RPP30: variants seen among roughly 807,000 people sequenced by gnomAD.
RPP30 encodes the protein ribonuclease P protein subunit p30.
RPP30 carries 36 observed loss-of-function variants against 38.6 expected under a neutral mutation model. The ratio of observed to expected loss-of-function variants is 0.93; its 90% CI spans 0.71 to 1.23. RPP30 has a LOEUF of 1.23. Among genes scored for constraint, RPP30 ranks in the 50% most tolerant of loss-of-function variants. The probability of loss-of-function intolerance (pLI) is 0.00; values close to 1 mark genes in which losing one functional copy is unlikely to be tolerated. For synonymous variants in RPP30, 126 were observed against 112.7 expected (o/e 1.12, Z -0.75); for missense variants, 321 against 321.7 (o/e 1.00, Z 0.02).
At chr10:90,879,303 GT>G (rs1195121902) in intron 5 of RPP30, among the ~76,000 whole-genome samples, 169 bp downstream of exon 5, 2 of 152,114 alleles carry the variant, frequency 1.3e-5, no homozygotes, top group African/African-American at 2.4e-5. Flanking sequence ...GGTATTTGTG[GT>G]TTTTTTGTTT....
chr10:90,886,508 C>T (rs566052863), intron 6 of RPP30, among the ~76,000 whole-genome samples: 11 of 152,296 alleles, frequency 7.2e-5, no homozygotes, highest in Non-Finnish European at 1.2e-4. Flanking sequence ...CCTTCATCTT[C>T]TATCTGTCCA....
chr10:90,903,181 C>T, downstream of RPP30: 1 of 1,478,956 alleles, frequency 6.8e-7, no homozygotes, highest in Non-Finnish European at 9.5e-7. Context: ...AGTTCCTTTT[C>T]TGCTTTAAAG....
chr10:90,884,150 A>T (rs548419944), intron 5 of RPP30, among the ~76,000 whole-genome samples: 82 of 152,172 alleles, frequency 5.4e-4, no homozygotes, highest in Non-Finnish European at 1.1e-3. Flanking sequence ...CATGATTGGT[A>T]TTGCAATGAC....
chr10:90,876,028 A>G lies in RPP30; in HGVS notation c.200A>G (p.Lys67Arg), dbSNP rs1846847365. The change falls in exon 4 of 11, where the codon AAA becomes AGA. Residue 67 changes from lysine to arginine, a missense_variant. Physicochemically the swap from Lys to Arg is conservative, Grantham distance 26 (BLOSUM62 2). Transcript: ENST00000371703. ...LFTTLPIVQG[K>R]SRPIKILTRL... ...CATCATGTCTTTTTTAAATAGGGAAAATCAAGACCAATTAAAATTTTAACT... is the reference window on the plus strand; with the variant it reads ...CATCATGTCTTTTTTAAATAGGGAAGATCAAGACCAATTAAAATTTTAACT... 3.3e-6 allele frequency: 5 copies of G among 1,521,604 alleles called. No individual in the cohort carries two copies. In the East Asian group the frequency reaches 1.1e-4, roughly 34 times the overall value. The allele number at this position is 1,521,604 out of a possible 1,614,324, so 94.3% of individuals were successfully genotyped here.
intron 6 of RPP30, among the ~76,000 whole-genome samples, chr10:90,886,460 A>G (rs1394324052): frequency 2.0e-5 from 3 of 152,168 alleles, no homozygotes; most frequent in South Asian, 2.1e-4. Context: ...AATTTTTCTC[A>G]TTCCCCTTCT....
At chr10:90,889,016 GTTAA>G (rs1847039144) in intron 6 of RPP30, among the ~76,000 whole-genome samples, 1 of 152,114 alleles carries the variant, frequency 6.6e-6, no homozygotes, top group South Asian at 2.1e-4. Context: ...AAGAGTCCCT[GTTAA>G]TTTATTCACC....
intron 5 of RPP30, among the ~76,000 whole-genome samples, chr10:90,880,494 G>A (rs1013943223): frequency 1.3e-5 from 2 of 152,088 alleles, no homozygotes; most frequent in East Asian, 1.9e-4. Context: ...TTGGGAGGCC[G>A]AGGCAGGTGG....
Position 90,900,701 on chromosome 10 carries a change from C to T in RPP30, c.*22C>T, listed in dbSNP as rs747998547. ...CTGAAAAGAATGCCCCAGTCTCTGT[C>T]AGCACTCCCTTCTTCCCTTTTATAG... On this transcript the variant is annotated 3_prime_UTR_variant, in exon 11 of 11. Transcript: ENST00000371703. The T allele has an allele frequency of 6.2e-7, 1 of 1,607,538 alleles. No homozygotes were observed. Among genetic ancestry groups the T allele is most frequent in the Non-Finnish European group, 8.5e-7 (1 of 1,177,652 alleles).
intron 6 of RPP30, among the ~76,000 whole-genome samples, chr10:90,891,049 C>T (rs1847076169): frequency 6.6e-6 from 1 of 152,106 alleles, no homozygotes; most frequent in Non-Finnish European, 1.5e-5. Flanking sequence ...GAGAACAGTC[C>T]CTATGCGGAG....
In RPP30 at chr10:90,902,168, T is replaced by C. The variant is rs1847211614; in HGVS notation, c.*1489T>C. 1 of 944,216 alleles carries C rather than the reference T, an allele frequency of 1.1e-6. No homozygotes were observed. The highest frequency in any genetic ancestry group is 1.8e-5 in the African/African-American group (1 of 56,348). 58.5% of individuals were successfully genotyped at this position (944,216 alleles called of 1,614,324 possible). A position where few individuals can be genotyped will look rare whatever the true frequency, so the allele number is the denominator to read the frequency against. ...TGAATACAAATGTTTAAATAAAATATTGATTAAAAAAACATTAAAAGTGCA... is the reference window on the plus strand; with the variant it reads ...TGAATACAAATGTTTAAATAAAATACTGATTAAAAAAACATTAAAAGTGCA... On this transcript the variant is annotated 3_prime_UTR_variant, in exon 11 of 11. Transcript: ENST00000371703.
rs771280472 is a variant in RPP30 at position 90,894,779 on chromosome 10, T to C, written c.437T>C (p.Ile146Thr). The change falls in exon 7 of 11, where the codon ATT (isoleucine) becomes ACT (threonine). Residue 146 changes from isoleucine (I) to threonine (T), a missense_variant. Ile to Thr is a moderately conservative substitution (Grantham distance 89). Coordinates refer to ENST00000371703, the MANE Select transcript of RPP30 (RefSeq NM_006413.5). ...TTCTCTTTATTTCCTGTGAAGGCGATTGACCGAGGCCTGGCTTTTGAACTT... is the reference window on the plus strand; with the variant it reads ...TTCTCTTTATTTCCTGTGAAGGCGACTGACCGAGGCCTGGCTTTTGAACTT... ...YFKRPPINVA[I>T]DRGLAFELVY... The C allele has an allele frequency of 1.9e-6, 3 of 1,611,010 alleles. No individual in the cohort carries two copies. The highest frequency in any genetic ancestry group is 2.5e-6 in the Non-Finnish European group (3 of 1,177,620).
At chr10:90,894,391 T>G (rs140444603) in intron 6 of RPP30, among the ~76,000 whole-genome samples, 2 of 152,348 alleles carry the variant, frequency 1.3e-5, no homozygotes, top group African/African-American at 4.8e-5. Context: ...TAGGTCAGAT[T>G]ACTTGGTTTA....
Position 90,900,572 on chromosome 10 carries a change from A to G in RPP30, c.700A>G (p.Thr234Ala). The change falls in exon 11 of 11, where the codon ACT becomes GCT. Residue 234 changes from threonine (T) to alanine (A), a missense_variant and splice_region_variant. By Grantham distance (58) the Thr-to-Ala change is moderately conservative. Transcript: ENST00000371703. ...NCRAALLHGETRKTAFGIIST... is the reference protein window; with the variant it reads ...NCRAALLHGEARKTAFGIIST... ...TGGTTTCCCTGTTTGTTTTACAGAA[A>G]CTAGAAAAACTGCTTTTGGAATTAT... 6.2e-7 allele frequency: 1 copy of G among 1,609,812 alleles called. No homozygotes were observed. The highest frequency in any genetic ancestry group is 8.5e-7 in the Non-Finnish European group (1 of 1,178,558).
At chr10:90,876,722 GAT>G (rs1301118336) in intron 4 of RPP30, among the ~76,000 whole-genome samples, 2 of 152,190 alleles carry the variant, frequency 1.3e-5, no homozygotes, top group Non-Finnish European at 2.9e-5. Context: ...TAAGGTTAAA[GAT>G]ATAAATTTGG....
chr10:90,893,273 G>C (rs1237124539), intron 6 of RPP30, among the ~76,000 whole-genome samples: 1 of 152,182 alleles, frequency 6.6e-6, no homozygotes, highest in Non-Finnish European at 1.5e-5. Context: ...TGGACTGCCA[G>C]TTCTAGAAAA....
At chr10:90,906,385 G>T (rs1847255402), downstream of RPP30, among the ~76,000 whole-genome samples, 3 of 152,184 alleles carry the variant, frequency 2.0e-5, no homozygotes, top group Admixed American at 2.0e-4. Context: ...TTAAGGAACT[G>T]AAAATTTAGT....
intron 6 of RPP30, among the ~76,000 whole-genome samples, chr10:90,887,812 T>C (rs1847020893): frequency 6.6e-6 from 1 of 152,206 alleles, no homozygotes; most frequent in Admixed American, 6.5e-5. Context: ...AATCACCACA[T>C]TTTCGAGTTG....
chr10:90,898,232 G>A (rs1015567912), intron 10 of RPP30, among the ~76,000 whole-genome samples: 2 of 152,126 alleles, frequency 1.3e-5, no homozygotes, highest in African/African-American at 4.8e-5. Flanking sequence ...TAAACTTAAA[G>A]AAGACTTGTG....
intron 6 of RPP30, among the ~76,000 whole-genome samples, chr10:90,890,190 CT>C (rs1847059659): frequency 6.6e-6 from 1 of 152,130 alleles, no homozygotes; most frequent in Non-Finnish European, 1.5e-5. Flanking sequence ...CTGGGAAATG[CT>C]TTTTAAAGTT....
Sources: allele counts gnomAD v4.1 joint callset (sites outside exome capture counted in the v4.1 genomes callset), GRCh38; gene constraint gnomAD v4.1.1; transcripts MANE v1.5; gene names NCBI Gene and HGNC (gene_info 2026-07-23, HGNC 2026-07-21).